The following ARIH2 variants were observed in gnomAD, a reference collection of about 807,000 sequenced individuals.
The protein encoded by ARIH2 is ariadne RBR E3 ubiquitin protein ligase 2, also known as E3 ubiquitin-protein ligase ARIH2.
Under a neutral mutation model 79.8 loss-of-function variants are expected in ARIH2, and 12 were observed. The observed-to-expected ratio is 0.15, with a 90% confidence interval of 0.10 to 0.24. The LOEUF is 0.24. Ranked by LOEUF, ARIH2 falls within the 10% of genes least tolerant of loss-of-function variation. ARIH2 has a pLI of 1.00. For synonymous variants in ARIH2, 224 were observed against 213.9 expected, an observed-to-expected ratio of 1.05 and a Z score of -0.41; for missense variants, 301 against 618.3, an observed-to-expected ratio of 0.49 and a Z score of 5.44.
Position 48,970,615 on chromosome 3 carries a change from G to A in ARIH2, c.681G>A (p.Leu227=), listed in dbSNP as rs373542476. The change falls in exon 8 of 16, where the codon CTG becomes CTA. Residue 227 remains leucine, a synonymous_variant. Coordinates refer to ENST00000356401, the MANE Select transcript of ARIH2 (RefSeq NM_006321.4). ...CACAGAGTCATTACCAGCTCCAGCT[G>A]TGCCCTGGTGCAGACTGCCCCATGG... The part of the protein sequence containing the change: ...DYVESHYQLQ[L]CPGADCPMVI... 84 of 1,613,582 alleles carry A rather than the reference G, an allele frequency of 5.2e-5. No homozygotes were observed. Among genetic ancestry groups the A allele is most frequent in the East Asian group, 4.2e-4 (19 of 44,882 alleles).
At chr3:48,966,607 A>G (rs1463457216) in intron 5 of ARIH2, among the ~76,000 whole-genome samples, 2 of 152,200 alleles carry the variant, frequency 1.3e-5, no homozygotes, top group Non-Finnish European at 2.9e-5. Context: ...TGGTTTGGGT[A>G]CGTCGATATA....
rs1021548669 is a variant in ARIH2 at position 48,927,676 on chromosome 3, G to A, written c.118G>A (p.Val40Met). The change falls in exon 3 of 16, where the codon GTG (valine) becomes ATG (methionine). Residue 40 changes from valine (V) to methionine (M), a missense_variant. Around this residue, in one of 2 missense-constraint regions of ARIH2, gnomAD observed 223 missense variants for 349.4 expected, o/e 0.64. Coordinates refer to ENST00000356401, the MANE Select transcript of ARIH2 (RefSeq NM_006321.4). ...CCCTGGGGACATAGAGGACTATTACGTGGGAGTAGCCAGCGATGTGGAGCA... is the reference window on the plus strand; with the variant it reads ...CCCTGGGGACATAGAGGACTATTACATGGGAGTAGCCAGCGATGTGGAGCA... ...DDPGDIEDYYVGVASDVEQQG... is the reference protein window; with the variant it reads ...DDPGDIEDYYMGVASDVEQQG... The A allele has an allele frequency of 2.5e-6, 4 of 1,614,072 alleles. No individual in the cohort carries two copies. Among genetic ancestry groups the A allele is most frequent in the Middle Eastern group, 1.7e-4 (1 of 6,060 alleles).
At chr3:48,965,500 C>T (rs1004816586) in intron 5 of ARIH2, among the ~76,000 whole-genome samples, 1 of 152,186 alleles carries the variant, frequency 6.6e-6, no homozygotes, top group African/African-American at 2.4e-5. Context: ...TCCTTGGGCC[C>T]TCTCCAGCCC....
At chr3:48,981,853 T>G in intron 14 of ARIH2, 125 bp downstream of exon 14, 3 of 694,732 alleles carry the variant, frequency 4.3e-6, no homozygotes, top group Non-Finnish European at 7.2e-6. Flanking sequence ...AACAAAACTC[T>G]AATTGCAAAA....
chr3:48,939,078 C>T (rs978010676), intron 3 of ARIH2, among the ~76,000 whole-genome samples: 31 of 152,030 alleles, frequency 2.0e-4, no homozygotes, highest in African/African-American at 7.2e-4. Context: ...AGCAATTCTC[C>T]TGCCTCAGCC....
chr3:48,930,899 C>T (rs528664482), intron 3 of ARIH2, among the ~76,000 whole-genome samples: 53 of 152,184 alleles, frequency 3.5e-4, no homozygotes, highest in Non-Finnish European at 6.8e-4. Flanking sequence ...TATAGCCTTA[C>T]GAATTCTAGT....
chr3:48,974,463 A>G (rs185832200), intron 9 of ARIH2, among the ~76,000 whole-genome samples: 1 of 152,358 alleles, frequency 6.6e-6, no homozygotes, highest in East Asian at 1.9e-4. Context: ...CAAGCTGACC[A>G]GGACTGAATC....
chr3:48,919,301 A>ACGG, intron 1 of ARIH2: 1 of 966,804 alleles, frequency 1.0e-6, no homozygotes, highest in Non-Finnish European at 1.4e-6. Flanking sequence ...CGGCGGGGAA[A>ACGG]CGCGCCGCCT....
intron 7 of ARIH2, among the ~76,000 whole-genome samples, chr3:48,969,510 A>G (rs944705931): frequency 6.8e-6 from 1 of 147,960 alleles, no homozygotes; most frequent in Non-Finnish European, 1.5e-5. Context: ...TTTTGGAGAC[A>G]GGGTTTTACT....
chr3:48,944,872 C>G (rs2088893095), intron 3 of ARIH2: 2 of 345,608 alleles, frequency 5.8e-6, no homozygotes, highest in African/African-American at 2.2e-5. Context: ...ATCCATCTGT[C>G]TTGATCTCTT....
At chr3:48,923,218 A>AG (rs1274294833) in intron 2 of ARIH2, among the ~76,000 whole-genome samples, 4 of 151,874 alleles carry the variant, frequency 2.6e-5, no homozygotes, top group South Asian at 2.1e-4. Flanking sequence ...AAAAAAAAAA[A>AG]GAAACCTTAT....
intron 5 of ARIH2, among the ~76,000 whole-genome samples, chr3:48,965,915 C>T: frequency 6.6e-6 from 1 of 151,656 alleles, no homozygotes; most frequent in East Asian, 1.9e-4. Context: ...GAGCCAAGAT[C>T]GCACCCCTGC....
chr3:48,923,385 G>T (rs1166905751), intron 2 of ARIH2, among the ~76,000 whole-genome samples: 1 of 149,972 alleles, frequency 6.7e-6, no homozygotes, highest in Non-Finnish European at 1.5e-5. Context: ...GGGTGACAGA[G>T]TGAGACTCTG....
chr3:48,982,113 T>C (rs1234936117), intron 14 of ARIH2, among the ~76,000 whole-genome samples: 1 of 152,228 alleles, frequency 6.6e-6, no homozygotes, highest in Non-Finnish European at 1.5e-5. Context: ...TGAATATGAA[T>C]TTATTGTTAT....
chr3:48,936,750 C>T (rs953652831), intron 3 of ARIH2, among the ~76,000 whole-genome samples: 6 of 147,660 alleles, frequency 4.1e-5, no homozygotes, highest in Non-Finnish European at 8.9e-5. Flanking sequence ...CAAAAACAGG[C>T]CGGGCGCTGT....
At chr3:48,941,376 G>A (rs549214577) in intron 3 of ARIH2, among the ~76,000 whole-genome samples, 82 of 152,164 alleles carry the variant, frequency 5.4e-4, no homozygotes, top group African/African-American at 1.9e-3. Context: ...GGGAGATAGG[G>A]AGCAATTTAA....
At chr3:48,940,601 A>G (rs867823946) in intron 3 of ARIH2, among the ~76,000 whole-genome samples, 1 of 151,918 alleles carries the variant, frequency 6.6e-6, no homozygotes, top group East Asian at 1.9e-4. Flanking sequence ...AGCCTGGCCA[A>G]CATGGTGAAA....
chr3:48,966,921 CCAGCT>C (rs1311808769), intron 5 of ARIH2, among the ~76,000 whole-genome samples, 199 bp from the exon 6 acceptor site: 1 of 152,134 alleles, frequency 6.6e-6, no homozygotes, highest in African/African-American at 2.4e-5. Flanking sequence ...CAAGCCCAGC[CCAGCT>C]GCCACCTCCT....
At chr3:48,979,969 T>A in intron 12 of ARIH2, 1 of 248,676 alleles carries the variant, frequency 4.0e-6, no homozygotes, top group Non-Finnish European at 7.6e-6. Flanking sequence ...TTTTTCTTTC[T>A]GTCCTCACAA....
Sources: gnomAD v4.1 joint callset for allele counts (sites outside exome capture counted in the v4.1 genomes callset) on GRCh38, gnomAD v4.1.1 for gene constraint, gnomAD v4.1.1 regional missense constraint, MANE v1.5 for transcripts, NCBI Gene and HGNC (gene_info 2026-07-23, HGNC 2026-07-21) for gene names.